The following PLXNC1 variants were observed in gnomAD, a reference collection of about 807,000 sequenced individuals.
PLXNC1 encodes the protein plexin C1.
Under a neutral mutation model 178.2 loss-of-function variants are expected in PLXNC1, and 75 were observed. The ratio of observed to expected loss-of-function variants is 0.42; its 90% CI spans 0.35 to 0.51. The LOEUF (loss-of-function observed/expected upper bound fraction) is 0.51, where lower values mean the gene tolerates loss of function less well. PLXNC1 is among the 20% of genes least tolerant of loss of function. The pLI is 0.02. For synonymous variants in PLXNC1, 790 were observed against 779.9 expected (o/e 1.01, Z -0.22); for missense variants, 1,503 against 1,984.4 (o/e 0.76, Z 4.61).
intron 5 of PLXNC1, among the ~76,000 whole-genome samples, chr12:94,213,244 G>C (rs1385400883): frequency 3.3e-5 from 5 of 152,306 alleles, no homozygotes; most frequent in Non-Finnish European, 5.9e-5. Context: ...TTCCACAATG[G>C]TTGAACTAGT....
intron 4 of PLXNC1, among the ~76,000 whole-genome samples, chr12:94,207,467 A>G (rs1174562415): frequency 1.3e-5 from 2 of 152,206 alleles, no homozygotes; most frequent in Non-Finnish European, 2.9e-5. Flanking sequence ...TTAAAACTCT[A>G]GAAAGAAAAA....
rs200736479 is a variant in PLXNC1, at chr12:94,281,279, C to CA, written c.3776-1011dup. On this transcript the variant is annotated intron_variant, in intron 22 of 30. Coordinates refer to ENST00000258526, the MANE Select transcript of PLXNC1 (RefSeq NM_005761.3). The stretch of plus-strand genomic sequence containing the variant: ...GGGCAATGGAGGGAGACCCTGTCTC[C>CA]AAAAAAAACAAAAACAAAACCAAAA... 1.2e-3 allele frequency among the ~76,000 whole-genome samples: 180 copies of CA among 150,754 alleles called. 2 individuals carry two copies. In the East Asian group the frequency reaches 0.026, roughly 22 times the overall value.
chr12:94,243,084 AT>A (rs1365403407), intron 11 of PLXNC1, among the ~76,000 whole-genome samples: 1 of 152,244 alleles, frequency 6.6e-6, no homozygotes, highest in Non-Finnish European at 1.5e-5. Flanking sequence ...TTTTCTGGTA[AT>A]GGCTACAGAC....
chr12:94,284,200 T>C (rs1966675492), intron 23 of PLXNC1, among the ~76,000 whole-genome samples: 1 of 152,188 alleles, frequency 6.6e-6, no homozygotes. Context: ...CAGAATCTTG[T>C]AGCCTCCAGC....
At chr12:94,208,020 C>T (rs1426815580) in intron 4 of PLXNC1, among the ~76,000 whole-genome samples, 1 of 152,094 alleles carries the variant, frequency 6.6e-6, no homozygotes, top group Non-Finnish European at 1.5e-5. Context: ...ATTTCAGATA[C>T]AACCGAAAGA....
rs374807884 is a variant in PLXNC1, at chr12:94,295,999, CCTT to C, written c.3935-1185_3935-1183del. Among the ~76,000 whole-genome samples the C allele has an allele frequency of 1.2e-4, 18 of 152,272 alleles. No homozygotes were observed. In the South Asian group the frequency reaches 1.2e-3, roughly 11 times the overall value. On this transcript the variant is annotated intron_variant, in intron 24 of 30. Transcript: ENST00000258526. ...TTCTTCCTTGATGCTTGTAGGCTGA[CCTT>C]CTTCCATTCAAGGCCAGTCTCTCAC... is the stretch of plus-strand genomic sequence containing the variant.
At chr12:94,291,954 T>C (rs1967379444) in intron 23 of PLXNC1, among the ~76,000 whole-genome samples, 1 of 152,196 alleles carries the variant, frequency 6.6e-6, no homozygotes, top group African/African-American at 2.4e-5. Context: ...CCCATCTTTA[T>C]AGACACTTCA....
chr12:94,234,412 G>A (rs564640619), intron 9 of PLXNC1, among the ~76,000 whole-genome samples: 2 of 152,170 alleles, frequency 1.3e-5, no homozygotes, highest in Admixed American at 6.5e-5. Flanking sequence ...AAAAAGGATC[G>A]GGTATTCTAT....
At chr12:94,192,213 C>T (rs1286421547) in intron 4 of PLXNC1, among the ~76,000 whole-genome samples, 2 of 152,176 alleles carry the variant, frequency 1.3e-5, no homozygotes, top group Non-Finnish European at 2.9e-5. Context: ...CATGAGATAG[C>T]TAGGTAGTAT....
chr12:94,185,465 TC>T (rs1962475061), intron 3 of PLXNC1, among the ~76,000 whole-genome samples: 1 of 152,202 alleles, frequency 6.6e-6, no homozygotes. Flanking sequence ...CAGAAAGTGC[TC>T]TGTGTGATGC....
chr12:94,190,207 C>A (rs1327036441), intron 4 of PLXNC1, among the ~76,000 whole-genome samples: 3 of 152,106 alleles, frequency 2.0e-5, no homozygotes, highest in African/African-American at 7.2e-5. Context: ...AGGTTGAAGA[C>A]ATGGGGGCTT....
rs1593012084 is a variant in PLXNC1, at chr12:94,301,245, T to A, written c.4386+188T>A. 2.6e-5 allele frequency among the ~76,000 whole-genome samples: 4 copies of A among 152,298 alleles called. No homozygotes were observed. In the South Asian group the frequency reaches 8.3e-4, roughly 32 times the overall value. The stretch of plus-strand genomic sequence containing the variant: ...TATTTTTAATCTAATTTTTTTAAAG[T>A]GAAAAACAAAATAATTAGCCCCACC... On this transcript the variant is annotated intron_variant, in intron 28 of 30. Transcript: ENST00000258526.
intron 22 of PLXNC1, chr12:94,281,841 A>G (rs1966463841): frequency 6.2e-6 from 1 of 160,754 alleles, no homozygotes; most frequent in Non-Finnish European, 1.4e-5. Flanking sequence ...TCACCTAGGC[A>G]TAGGTTAGCA....
intron 2 of PLXNC1, among the ~76,000 whole-genome samples, chr12:94,171,358 T>C (rs1392033714): frequency 6.6e-6 from 1 of 152,130 alleles, no homozygotes; most frequent in Admixed American, 6.5e-5. Flanking sequence ...CAGCTTTTTG[T>C]TGTTTGTTTT....
At chr12:94,161,458 T>G (rs1262076856) in intron 1 of PLXNC1, among the ~76,000 whole-genome samples, 1 of 152,182 alleles carries the variant, frequency 6.6e-6, no homozygotes, top group East Asian at 1.9e-4. Flanking sequence ...AACCACATAT[T>G]TTTTACTCTA....
chr12:94,271,260 T>C (rs1965550478), intron 21 of PLXNC1, among the ~76,000 whole-genome samples: 1 of 152,252 alleles, frequency 6.6e-6, no homozygotes, highest in Non-Finnish European at 1.5e-5. Flanking sequence ...AGTTACTTTC[T>C]AGGCATTATA....
At chr12:94,161,699 A>T (rs1054920644) in intron 1 of PLXNC1, among the ~76,000 whole-genome samples, 1 of 152,226 alleles carries the variant, frequency 6.6e-6, no homozygotes. Flanking sequence ...CGAGAGACTT[A>T]GAAATTGTCT....
At chr12:94,256,844 CAAAAAAAAAAAA>C (rs35718233) in intron 17 of PLXNC1, among the ~76,000 whole-genome samples, 1 of 110,994 alleles carries the variant, frequency 9.0e-6, no homozygotes, top group African/African-American at 3.3e-5. Context: ...TGAGTGTTTC[CAAAAAAAAAAAA>C]AAAAAAAAGA....
chr12:94,197,661 A>T (rs1311242249), intron 4 of PLXNC1, among the ~76,000 whole-genome samples: 1 of 152,180 alleles, frequency 6.6e-6, no homozygotes, highest in African/African-American at 2.4e-5. Flanking sequence ...ATGTAAGGTG[A>T]CACAGTCACA....
Sources: gnomAD v4.1 joint callset for allele counts (sites outside exome capture counted in the v4.1 genomes callset) on GRCh38, gnomAD v4.1.1 for gene constraint, MANE v1.5 for transcripts, NCBI Gene and HGNC (gene_info 2026-07-23, HGNC 2026-07-21) for gene names.